The following LUZP2 variants were observed in gnomAD, a reference collection of about 807,000 sequenced individuals.
LUZP2 encodes the protein leucine zipper protein 2.
A neutral mutation model predicts 51.6 loss-of-function variants in LUZP2; 52 were observed. The ratio of observed to expected loss-of-function variants is 1.01; its 90% confidence interval spans 0.81 to 1.27. The LOEUF (loss-of-function observed/expected upper bound fraction) is 1.27, where lower values mean the gene tolerates loss of function less well. Ranked by LOEUF, LUZP2 falls within the 50% of genes most tolerant of loss-of-function variation. LUZP2 has a pLI of 0.00. For missense variants in LUZP2, 436 were observed against 395.4 expected (o/e 1.10, Z -0.87); for synonymous variants, 154 against 137.3 (o/e 1.12, Z -0.85).
chr11:24,912,277 TG>T (rs1416097673), intron 6 of LUZP2, among the ~76,000 whole-genome samples: 1 of 152,064 alleles, frequency 6.6e-6, no homozygotes, highest in Non-Finnish European at 1.5e-5. Flanking sequence ...GTTTTCTTTT[TG>T]TTCTTTCTTG....
intron 1 of LUZP2, among the ~76,000 whole-genome samples, chr11:24,677,377 G>T (rs1483888678): frequency 6.6e-6 from 1 of 152,148 alleles, no homozygotes; most frequent in Non-Finnish European, 1.5e-5. Flanking sequence ...CTCTGTTCTT[G>T]TCTGACCTTC....
chr11:24,628,373 G>T (rs1854757346), intron 1 of LUZP2, among the ~76,000 whole-genome samples: 1 of 152,100 alleles, frequency 6.6e-6, no homozygotes, highest in Non-Finnish European at 1.5e-5. Flanking sequence ...ATGGAAATGA[G>T]AATTGGTTCC....
At chr11:24,547,231 G>A (rs1010915158) in intron 1 of LUZP2, among the ~76,000 whole-genome samples, 4 of 150,698 alleles carry the variant, frequency 2.7e-5, no homozygotes, top group African/African-American at 7.3e-5. Context: ...TAAAATTCAC[G>A]TGGAACTAAA....
At chr11:24,602,223 T>TATGC (rs1194614910) in intron 1 of LUZP2, among the ~76,000 whole-genome samples, 16 of 76,172 alleles carry the variant, frequency 2.1e-4, no homozygotes, top group African/African-American at 5.6e-4. Flanking sequence ...TATGTATATA[T>TATGC]GTACATATAT....
At chr11:24,777,621 T>G (rs1266414456) in intron 5 of LUZP2, among the ~76,000 whole-genome samples, 1 of 152,180 alleles carries the variant, frequency 6.6e-6, no homozygotes, top group Non-Finnish European at 1.5e-5. Context: ...AAGTTATACT[T>G]CTGTTTAACT....
chr11:24,561,828 A>AATAATAATGATG (rs148194595), intron 1 of LUZP2, among the ~76,000 whole-genome samples: 5 of 151,090 alleles, frequency 3.3e-5, no homozygotes, highest in African/African-American at 1.2e-4. Flanking sequence ...TAATAATAAT[A>AATAATAATGATG]ATGATAATAA....
chr11:24,873,955 C>T (rs1395903896), intron 5 of LUZP2, among the ~76,000 whole-genome samples: 1 of 148,928 alleles, frequency 6.7e-6, no homozygotes, highest in Non-Finnish European at 1.5e-5. Context: ...TGAGCTCTAA[C>T]ACCTGACAGG....
At chr11:24,548,772 T>C (rs1851636501) in intron 1 of LUZP2, among the ~76,000 whole-genome samples, 1 of 152,008 alleles carries the variant, frequency 6.6e-6, no homozygotes, top group South Asian at 2.1e-4. Context: ...TTTTAAAATA[T>C]ACTAAAATGT....
chr11:25,008,680 G>T (rs370718109), intron 9 of LUZP2, among the ~76,000 whole-genome samples: 13 of 152,314 alleles, frequency 8.5e-5, no homozygotes, highest in Admixed American at 2.6e-4. Context: ...ATGAGGTTAT[G>T]TGGACACGAG....
chr11:24,712,114 C>T (rs567734756), intron 1 of LUZP2, among the ~76,000 whole-genome samples: 1 of 151,984 alleles, frequency 6.6e-6, no homozygotes, highest in African/African-American at 2.4e-5. Context: ...AGGAAAGAGA[C>T]CTTGTTATAA....
intron 1 of LUZP2, among the ~76,000 whole-genome samples, chr11:24,555,287 A>C (rs1198117786): frequency 6.6e-6 from 1 of 152,158 alleles, no homozygotes; most frequent in Admixed American, 6.5e-5. Flanking sequence ...AAGATACATA[A>C]CTCAGAGCTT....
chr11:24,813,532 T>A (rs1010402885), intron 5 of LUZP2, among the ~76,000 whole-genome samples: 2 of 151,986 alleles, frequency 1.3e-5, no homozygotes, highest in Non-Finnish European at 1.5e-5. Context: ...TCAGGGGTGG[T>A]GCCACACACT....
chr11:24,783,306 G>T (rs1190642353), intron 5 of LUZP2, among the ~76,000 whole-genome samples: 1 of 151,766 alleles, frequency 6.6e-6, no homozygotes, highest in Admixed American at 6.6e-5. Context: ...TGCTGACAGA[G>T]TGGAAAACTG....
intron 1 of LUZP2, among the ~76,000 whole-genome samples, chr11:24,636,050 T>C (rs2133935964): frequency 1.3e-5 from 2 of 152,138 alleles, no homozygotes; most frequent in African/African-American, 4.8e-5. Context: ...CGAGAAAAAA[T>C]AAATTGACTC....
chr11:24,900,845 C>T (rs1376023152), intron 5 of LUZP2, among the ~76,000 whole-genome samples: 2 of 152,190 alleles, frequency 1.3e-5, no homozygotes, highest in African/African-American at 4.8e-5. Flanking sequence ...GGTTAAGGGG[C>T]TGCCTGATTT....
intron 1 of LUZP2, among the ~76,000 whole-genome samples, chr11:24,638,382 A>T (rs1458424085): frequency 6.6e-6 from 1 of 151,750 alleles, no homozygotes; most frequent in Non-Finnish European, 1.5e-5. Flanking sequence ...TTATATATTG[A>T]CTAAAAATAT....
At chr11:24,574,686 T>C (rs1852583435) in intron 1 of LUZP2, among the ~76,000 whole-genome samples, 2 of 151,952 alleles carry the variant, frequency 1.3e-5, no homozygotes, top group Non-Finnish European at 1.5e-5. Flanking sequence ...AGCAGGGAGA[T>C]TGGTCAATGT....
chr11:24,809,279 T>G (rs961013448), intron 5 of LUZP2, among the ~76,000 whole-genome samples: 2 of 152,188 alleles, frequency 1.3e-5, no homozygotes, highest in Non-Finnish European at 2.9e-5. Context: ...TTTATTAATC[T>G]CAAGTTATTC....
intron 1 of LUZP2, among the ~76,000 whole-genome samples, chr11:24,703,678 A>T (rs1185421649): frequency 6.6e-6 from 1 of 151,828 alleles, no homozygotes; most frequent in African/African-American, 2.4e-5. Flanking sequence ...CAAAAAAAAA[A>T]ACTAGTTAAG....
Sources: allele counts gnomAD v4.1 joint callset (sites outside exome capture counted in the v4.1 genomes callset), GRCh38; gene constraint gnomAD v4.1.1; transcripts MANE v1.5; gene names NCBI Gene and HGNC (gene_info 2026-07-23, HGNC 2026-07-21).